Variants in CKAP5 observed in about 807,000 individuals in gnomAD.
CKAP5 encodes the protein cytoskeleton-associated protein 5.
Under a neutral mutation model 232.8 loss-of-function variants are expected in CKAP5, and 27 were observed. The observed-to-expected ratio is 0.12, with a 90% CI of 0.09 to 0.16. CKAP5 has a LOEUF of 0.16. CKAP5 is among the 10% of genes least tolerant of loss of function. CKAP5 has a pLI of 1.00. For synonymous variants in CKAP5, 785 were observed against 841.1 expected (o/e 0.93, Z 1.16); for missense variants, 1,838 against 2,424.7 (o/e 0.76, Z 5.08).
chr11:46,759,561 C>T, intron 33 of CKAP5, 119 bp from the exon 34 acceptor site: 2 of 996,314 alleles, frequency 2.0e-6, no homozygotes, highest in East Asian at 5.2e-5. Flanking sequence ...GTTTCAGCCC[C>T]CCTGAATGAT....
At chr11:46,745,535 C>T (rs1249012930) in intron 42 of CKAP5, among the ~76,000 whole-genome samples, 7 of 152,184 alleles carry the variant, frequency 4.6e-5, no homozygotes, top group African/African-American at 1.7e-4. Flanking sequence ...GCTTTGGAAA[C>T]AAGGATAGGA....
intron 1 of CKAP5, among the ~76,000 whole-genome samples, chr11:46,836,239 A>G (rs1939914842): frequency 6.6e-6 from 1 of 152,240 alleles, no homozygotes; most frequent in Non-Finnish European, 1.5e-5. Flanking sequence ...AAACGATGTT[A>G]ATAACAGGGC....
At position 46,770,032 on chromosome 11, in the gene CKAP5, C is replaced by G. The variant is rs2065235009; in HGVS notation, c.3253G>C (p.Ala1085Pro). The G allele has an allele frequency of 1.2e-6, 2 of 1,614,108 alleles. No homozygotes were observed. The highest frequency in any genetic ancestry group is 1.7e-6 in the Non-Finnish European group (2 of 1,179,972). Residue 1085 changes from alanine (A) to proline (P), a missense_variant, in exon 26 of 44, where the codon GCT becomes CCT. Coordinates refer to ENST00000529230, the MANE Select transcript of CKAP5 (RefSeq NM_001008938.4). ...TTAGAAGTTGCTTTAGTGGGTGGAG[C>G]AGGCTTGGCTGGCATGTTAACTTTG... is the stretch of plus-strand genomic sequence containing the variant. ...KAKVNMPAKP[A>P]PPTKATSKPM...
rs147307694 is a variant in CKAP5 at position 46,777,322 on chromosome 11, T to G, written c.2862+117A>C. ...GTTTACTGTTTTTCTTCTAATATTT[T>G]CATCTTTATAAAGTTTATCAGGTCT... On this transcript the variant is annotated intron_variant, in intron 23 of 43. Transcript: ENST00000529230. 5,709 of 599,402 alleles carry G rather than the reference T, an allele frequency of 9.5e-3. 43 individuals carry two copies. Among genetic ancestry groups the G allele is most frequent in the Non-Finnish European group, 0.014 (4,676 of 338,768 alleles). 37.1% of individuals were successfully genotyped at this position (599,402 alleles called of 1,614,324 possible). A position where few individuals can be genotyped will look rare whatever the true frequency, so the allele number is the denominator to read the frequency against.
intron 1 of CKAP5, among the ~76,000 whole-genome samples, chr11:46,828,352 C>T (rs1939701483): frequency 6.6e-6 from 1 of 152,190 alleles, no homozygotes; most frequent in Non-Finnish European, 1.5e-5. Context: ...TCTCATTCTA[C>T]AATGCATTTA....
chr11:46,787,398 G>A (rs2065405377), intron 16 of CKAP5, among the ~76,000 whole-genome samples: 1 of 152,174 alleles, frequency 6.6e-6, no homozygotes, highest in Admixed American at 6.5e-5. Context: ...TGTTTAGCAT[G>A]AGGTCTATTG....
chr11:46,796,868 C>T lies in CKAP5; in HGVS notation c.1411G>A (p.Gly471Ser). 1 of 1,614,050 alleles carries T rather than the reference C, an allele frequency of 6.2e-7. No individual in the cohort carries two copies. Residue 471 changes from glycine (G) to serine (S), a missense_variant, in exon 12 of 44, where the codon GGC (glycine) becomes AGC (serine). By Grantham distance (56) the Gly-to-Ser change is moderately conservative. Around this residue, in one of 6 missense-constraint regions of CKAP5, gnomAD observed 767 missense variants for 954.6 expected, o/e 0.80. Coordinates refer to ENST00000529230, the MANE Select transcript of CKAP5 (RefSeq NM_001008938.4). ...AGGAATGGGTTTACTGCTTTCTCGC[C>T]AACCACCTTCAAAGCAGTACCCAAT... Reference protein sequence around the residue: ...EALGTALKVVGEKAVNPFLAD... With the variant: ...EALGTALKVVSEKAVNPFLAD...
chr11:46,780,551 T>A (rs1376534130), intron 18 of CKAP5, 66 bp from the exon 19 acceptor site: 3 of 1,370,228 alleles, frequency 2.2e-6, no homozygotes, highest in Admixed American at 3.8e-5. Context: ...TAACGTTTTA[T>A]AAAGCCAGAC....
chr11:46,775,984 A>G (rs1379218739), intron 24 of CKAP5, among the ~76,000 whole-genome samples: 1 of 152,162 alleles, frequency 6.6e-6, no homozygotes, highest in Non-Finnish European at 1.5e-5. Flanking sequence ...AAAAAAACAC[A>G]AAACCTCTGA....
intron 35 of CKAP5, among the ~76,000 whole-genome samples, chr11:46,755,971 T>C (rs936923879): frequency 1.3e-5 from 2 of 152,176 alleles, no homozygotes; most frequent in African/African-American, 4.8e-5. Flanking sequence ...TTCAATTTAT[T>C]AAAAAGAGTG....
rs71042626 is a variant in CKAP5 at position 46,838,793 on chromosome 11, CAAAAAAAAAAA to C, written c.-38+7416_-38+7426del. On this transcript the variant is annotated intron_variant, in intron 1 of 43. Transcript: ENST00000529230. The stretch of plus-strand genomic sequence containing the variant: ...TAGGAGACAGAGTGGGACCCCATCT[CAAAAAAAAAAA>C]AAAAAAAAAAAAAAAATTGCTGAGC... Among the ~76,000 whole-genome samples the C allele has an allele frequency of 2.6e-4, 12 of 45,928 alleles. 1 individual carries two copies. The highest frequency in any genetic ancestry group is 3.3e-3 in the South Asian group (2 of 598). The allele number at this position is 45,928 out of a possible 152,430, so 30.1% of individuals were successfully genotyped here. A position where few individuals can be genotyped will look rare whatever the true frequency, so the allele number is the denominator to read the frequency against.
intron 16 of CKAP5, among the ~76,000 whole-genome samples, chr11:46,785,006 T>C (rs1190439750): frequency 1.3e-5 from 2 of 152,162 alleles, no homozygotes; most frequent in Non-Finnish European, 2.9e-5. Flanking sequence ...ATACACACCC[T>C]AAAATACACA....
chr11:46,839,834 G>A (rs916130700), intron 1 of CKAP5, among the ~76,000 whole-genome samples: 1 of 152,042 alleles, frequency 6.6e-6, no homozygotes, highest in Admixed American at 6.6e-5. Flanking sequence ...AAAACATTGT[G>A]AGGATAAAAA....
chr11:46,798,041 CTT>C, intron 10 of CKAP5, 40 bp downstream of exon 10: 1 of 1,605,688 alleles, frequency 6.2e-7, no homozygotes, highest in Non-Finnish European at 8.5e-7. Context: ...TATTTACAAA[CTT>C]TACTTCAGAT....
intron 1 of CKAP5, among the ~76,000 whole-genome samples, chr11:46,832,332 A>T (rs1039768710): frequency 2.0e-5 from 3 of 152,216 alleles, no homozygotes; most frequent in Non-Finnish European, 4.4e-5. Context: ...CTTTTTTATT[A>T]TAAGATCCAC....
chr11:46,830,002 A>G (rs1003331544), intron 1 of CKAP5, among the ~76,000 whole-genome samples: 12 of 152,048 alleles, frequency 7.9e-5, no homozygotes, highest in Non-Finnish European at 1.8e-4. Context: ...GTCTTTGCAG[A>G]TGTGATTAAA....
At chr11:46,818,545 G>C (rs1027876975) in intron 2 of CKAP5, 42 bp from the exon 3 acceptor site, 2 of 1,360,076 alleles carry the variant, frequency 1.5e-6, no homozygotes, top group South Asian at 3.3e-5. Context: ...ATAATTTAAT[G>C]ATATTATCAT....
Position 46,765,247 on chromosome 11 carries a change from C to G in CKAP5, c.3421G>C (p.Gly1141Arg), listed in dbSNP as rs777251666. Residue 1141 changes from glycine to arginine, a missense_variant, in exon 28 of 44, where the codon GGG becomes CGG. By Grantham distance (125) the Gly-to-Arg change is moderately radical (BLOSUM62 -2). Transcript: ENST00000529230. Reference sequence around the variant, plus strand: ...CTGGTTTTGCTTGGCATCTTCTTCCCTTGTGCACTCTACAACCAAGGTTCA... The same window carrying G: ...CTGGTTTTGCTTGGCATCTTCTTCCGTTGTGCACTCTACAACCAAGGTTCA... Reference protein sequence around the residue: ...GLSSKAKSAQGKKMPSKTSLK... With the variant: ...GLSSKAKSAQRKKMPSKTSLK... The G allele has an allele frequency of 1.2e-6, 2 of 1,610,920 alleles. No individual in the cohort carries two copies. Among genetic ancestry groups the G allele is most frequent in the East Asian group, 2.2e-5 (1 of 44,586 alleles).
At chr11:46,838,229 A>AT (rs1164099849) in intron 1 of CKAP5, among the ~76,000 whole-genome samples, 3 of 152,300 alleles carry the variant, frequency 2.0e-5, no homozygotes, top group South Asian at 2.1e-4. Flanking sequence ...ACAGATTAAA[A>AT]TTTTTTTAAA....
Sources: gnomAD v4.1 joint callset for allele counts (sites outside exome capture counted in the v4.1 genomes callset) on GRCh38, gnomAD v4.1.1 for gene constraint, gnomAD v4.1.1 regional missense constraint, MANE v1.5 for transcripts, NCBI Gene and HGNC (gene_info 2026-07-23, HGNC 2026-07-21) for gene names.